CBR4: variants seen among roughly 807,000 people sequenced by gnomAD.
CBR4 encodes carbonyl reductase 4.
Under a neutral mutation model 21.0 loss-of-function variants are expected in CBR4, and 22 were observed. That is an observed-to-expected ratio of 1.05 (90% CI 0.75 to 1.50). The LOEUF (loss-of-function observed/expected upper bound fraction) is 1.50, where lower values mean the gene tolerates loss of function less well. Ranked by LOEUF, CBR4 falls within the 40% of genes most tolerant of loss-of-function variation. CBR4 has a pLI of 0.00. For synonymous variants in CBR4, 100 were observed against 104.4 expected (o/e 0.96, Z 0.26); for missense variants, 302 against 286.3 (o/e 1.05, Z -0.40).
chr4:168,969,288 C>T (rs761219590), intron 2 of CBR4, among the ~76,000 whole-genome samples: 29 of 152,154 alleles, frequency 1.9e-4, no homozygotes, highest in Non-Finnish European at 3.8e-4. Context: ...GATCAGAGAA[C>T]TGGTCCAAGT....
Position 168,928,207 on chromosome 4 carries a change from T to C in CBR4, n.170-33442A>G, listed in dbSNP as rs192990293. 113 of 185,502 alleles carry C rather than the reference T, an allele frequency of 6.1e-4. No homozygotes were observed. The highest frequency in any genetic ancestry group is 1.0e-3 in the Non-Finnish European group (89 of 87,144). 11.5% of individuals were successfully genotyped at this position (185,502 alleles called of 1,614,324 possible). On this transcript the variant is annotated intron_variant and non_coding_transcript_variant, in intron 2 of 3. Coordinates refer to the CBR4 transcript ENST00000509108. ...ACACAGTCTCTCATGGACCTATCTC[T>C]ATTGTAGAATTATGACTTATGTCTT... is the stretch of plus-strand genomic sequence containing the variant.
At position 168,926,450 on chromosome 4, in the gene CBR4, T is replaced by C. The variant is rs190300670; in HGVS notation, n.170-31685A>G. The C allele has an allele frequency of 2.4e-5, 28 of 1,158,868 alleles. No individual in the cohort carries two copies. The African/African-American group carries it at 3.8e-4, about 16-fold the overall frequency. The allele number at this position is 1,158,868 out of a possible 1,614,324, so 71.8% of individuals were successfully genotyped here. A position where few individuals can be genotyped will look rare whatever the true frequency, so the allele number is the denominator to read the frequency against. ...TTGCCTTGACCAACATATTCCTTTGTCACATTATGTAAAAGGCAGAAACAT... is the reference window on the plus strand; with the variant it reads ...TTGCCTTGACCAACATATTCCTTTGCCACATTATGTAAAAGGCAGAAACAT... On this transcript the variant is annotated intron_variant and non_coding_transcript_variant, in intron 2 of 3. Transcript: ENST00000509108.
intron 2 of CBR4, among the ~76,000 whole-genome samples, chr4:168,919,485 C>T (rs1484912972): frequency 2.7e-5 from 4 of 150,754 alleles, no homozygotes; most frequent in Non-Finnish European, 4.4e-5. Context: ...AGATTGTGCC[C>T]ACTGCACTCC....
intron 4 of CBR4, among the ~76,000 whole-genome samples, chr4:169,000,637 T>C (rs1730353895): frequency 6.6e-6 from 1 of 152,184 alleles, no homozygotes; most frequent in Non-Finnish European, 1.5e-5. Context: ...GATTAATTCT[T>C]AAGTACCTAC....
intron 2 of CBR4, among the ~76,000 whole-genome samples, chr4:168,922,545 A>G (rs909086792): frequency 2.6e-5 from 4 of 152,198 alleles, no homozygotes; most frequent in Non-Finnish European, 5.9e-5. Flanking sequence ...GCTCTTCTAA[A>G]CACACTACGT....
intron 2 of CBR4, chr4:168,915,997 A>G: frequency 6.2e-7 from 1 of 1,614,046 alleles, no homozygotes; most frequent in Non-Finnish European, 8.5e-7. Flanking sequence ...TGACTGTTCA[A>G]GAAGGAAAAC....
intron 2 of CBR4, among the ~76,000 whole-genome samples, chr4:168,960,712 C>G (rs1763824889): frequency 6.6e-6 from 1 of 152,146 alleles, no homozygotes. Flanking sequence ...TTAATATTTA[C>G]TTTCTTAAAT....
intron 2 of CBR4, among the ~76,000 whole-genome samples, chr4:168,964,300 CCT>C (rs1409288890): frequency 5.3e-5 from 8 of 152,186 alleles, no homozygotes; most frequent in African/African-American, 1.7e-4. Flanking sequence ...TTCCCTTTAA[CCT>C]CAGCTTTCTT....
chr4:168,983,491 A>G (rs187051727), downstream of CBR4, among the ~76,000 whole-genome samples: 14 of 152,164 alleles, frequency 9.2e-5, no homozygotes, highest in Non-Finnish European at 1.3e-4. Context: ...TGTAAAAAGA[A>G]CTGGTACCAA....
At chr4:168,915,803 T>C in intron 2 of CBR4, 1 of 946,676 alleles carries the variant, frequency 1.1e-6, no homozygotes, top group Non-Finnish European at 1.7e-6. Flanking sequence ...ATCATATTAT[T>C]ACCCCATGTA....
At chr4:168,933,325 A>G (rs745428994) in intron 2 of CBR4, among the ~76,000 whole-genome samples, 17 of 152,212 alleles carry the variant, frequency 1.1e-4, no homozygotes, top group Non-Finnish European at 2.2e-4. Flanking sequence ...GAAAAAAATA[A>G]TCAATGCAAA....
intron 2 of CBR4, among the ~76,000 whole-genome samples, chr4:168,973,886 T>G (rs910740120): frequency 2.5e-4 from 38 of 152,224 alleles, no homozygotes; most frequent in African/African-American, 8.4e-4. Flanking sequence ...ATTCTGTATC[T>G]TTTAAGTGGA....
At chr4:168,961,372 A>T (rs993422696) in intron 2 of CBR4, among the ~76,000 whole-genome samples, 7 of 152,164 alleles carry the variant, frequency 4.6e-5, no homozygotes, top group African/African-American at 1.4e-4. Flanking sequence ...TATCTATAGA[A>T]TATTATATTA....
chr4:168,962,525 T>C (rs575638905), intron 2 of CBR4, among the ~76,000 whole-genome samples: 8 of 152,218 alleles, frequency 5.3e-5, no homozygotes, highest in African/African-American at 9.6e-5. Flanking sequence ...CACTAAATAA[T>C]TGAGAGTGAA....
intron 4 of CBR4, among the ~76,000 whole-genome samples, chr4:168,999,801 A>C (rs1224853347): frequency 2.0e-5 from 3 of 152,194 alleles, no homozygotes; most frequent in Non-Finnish European, 2.9e-5. Context: ...AGACAAAATT[A>C]AGCATTCTTT....
chr4:169,000,242 A>G (rs1018936212), intron 4 of CBR4, among the ~76,000 whole-genome samples: 2 of 152,216 alleles, frequency 1.3e-5, no homozygotes, highest in Admixed American at 1.3e-4. Flanking sequence ...CAGTGCTAAG[A>G]TAACAACAAT....
At chr4:168,935,807 C>G (rs1317581125) in intron 2 of CBR4, among the ~76,000 whole-genome samples, 2 of 152,174 alleles carry the variant, frequency 1.3e-5, no homozygotes, top group African/African-American at 4.8e-5. Context: ...GACACAGCAC[C>G]TGGGGGAAGG....
chr4:169,008,264 G>A (rs1020913975), intron 1 of CBR4, among the ~76,000 whole-genome samples: 14 of 152,026 alleles, frequency 9.2e-5, no homozygotes, highest in African/African-American at 3.4e-4. Context: ...CTGACCATCA[G>A]GAGAGATGAG....
At chr4:168,987,569 GAT>G, downstream of CBR4, 1 of 806,954 alleles carries the variant, frequency 1.2e-6, no homozygotes, top group South Asian at 5.7e-5. Context: ...TGCAGAGAAA[GAT>G]AAAATTAACA....
Sources: gnomAD v4.1 joint callset for allele counts (sites outside exome capture counted in the v4.1 genomes callset) on GRCh38, gnomAD v4.1.1 for gene constraint, MANE v1.5 for transcripts, NCBI Gene and HGNC (gene_info 2026-07-23, HGNC 2026-07-21) for gene names.